DNAJC27: variants seen among roughly 807,000 people sequenced by gnomAD.
DNAJC27 encodes the protein DnaJ heat shock protein family (Hsp40) member C27, also known as dnaJ homolog subfamily C member 27.
DNAJC27 carries 25 observed loss-of-function variants against 31.4 expected under a neutral mutation model. That is an observed-to-expected ratio of 0.80 (90% CI 0.58 to 1.11). The LOEUF is 1.11. Among genes scored for constraint, DNAJC27 ranks in the 50% most tolerant of loss-of-function variants. DNAJC27 has a pLI of 0.00. For missense variants in DNAJC27, 356 were observed against 347.3 expected, an observed-to-expected ratio of 1.02 and a Z score of -0.20; for synonymous variants, 106 against 112.7, an observed-to-expected ratio of 0.94 and a Z score of 0.37.
chr2:24,947,668 G>T lies in DNAJC27; in HGVS notation c.770C>A (p.Ala257Asp). The change falls in exon 7 of 7, where the codon GCC becomes GAC. Residue 257 changes from alanine (A) to aspartate (D), a missense_variant. By Grantham distance (126) the Ala-to-Asp change is moderately radical. Coordinates refer to ENST00000264711, the MANE Select transcript of DNAJC27 (RefSeq NM_016544.3). ...DKCVAPGSED[A>D]FKAVVNARTA... is the part of the protein sequence containing the mutation. Reference sequence around the variant, plus strand: ...CCGAGCATTCACAACTGCTTTGAAGGCATCTTCACTGCCAGGTGCTACACA... The same window carrying T: ...CCGAGCATTCACAACTGCTTTGAAGTCATCTTCACTGCCAGGTGCTACACA... 6.2e-7 allele frequency: 1 copy of T among 1,612,894 alleles called. No individual in the cohort carries two copies. The highest frequency in any genetic ancestry group is 8.5e-7 in the Non-Finnish European group (1 of 1,179,000).
intron 5 of DNAJC27, among the ~76,000 whole-genome samples, chr2:24,952,680 TAA>T (rs59629202): frequency 6.7e-6 from 1 of 148,252 alleles, no homozygotes; most frequent in Non-Finnish European, 1.5e-5. Flanking sequence ...CAACCGTTGT[TAA>T]AAAAAAAAGC....
At position 24,957,147 on chromosome 2, in the gene DNAJC27, G is replaced by A. The variant is rs1174599008; in HGVS notation, c.424C>T (p.Arg142Cys). 12 of 1,604,600 alleles carry A rather than the reference G, an allele frequency of 7.5e-6. No homozygotes were observed. Among genetic ancestry groups the A allele is most frequent in the Non-Finnish European group, 9.3e-6 (11 of 1,177,216 alleles). Reference sequence around the variant, plus strand: ...CGTCCTTCACTTTCATCTACACAGCGATGTTTGGTACAATCAATCTGAAAT... The same window carrying A: ...CGTCCTTCACTTTCATCTACACAGCAATGTTTGGTACAATCAATCTGAAAT... ...CANKIDCTKH[R>C]CVDESEGRLW... Residue 142 changes from arginine to cysteine, a missense_variant, in exon 5 of 7, where the codon CGC becomes TGC. Coordinates refer to ENST00000264711, the MANE Select transcript of DNAJC27 (RefSeq NM_016544.3).
At chr2:24,962,346 C>T (rs1443838012) in intron 3 of DNAJC27, among the ~76,000 whole-genome samples, 7 of 152,006 alleles carry the variant, frequency 4.6e-5, no homozygotes, top group East Asian at 1.9e-4. Context: ...CTGCAACCTC[C>T]GCCTGTTCAA....
chr2:24,971,918 T>C lies in DNAJC27; in HGVS notation c.-14A>G. 6.4e-7 allele frequency: 1 copy of C among 1,563,408 alleles called. No homozygotes were observed. The highest frequency in any genetic ancestry group is 8.6e-7 in the Non-Finnish European group (1 of 1,157,350). On this transcript the variant is annotated 5_prime_UTR_variant, in exon 1 of 7. Coordinates refer to ENST00000264711, the MANE Select transcript of DNAJC27 (RefSeq NM_016544.3). ...GTTGGCCTCCATGGCCCTGGCTCTCTCGGGGCCACCCGCCTCGGTCTCTTC... is the reference window on the plus strand; with the variant it reads ...GTTGGCCTCCATGGCCCTGGCTCTCCCGGGGCCACCCGCCTCGGTCTCTTC...
chr2:24,966,689 C>T (rs1666191018), intron 2 of DNAJC27, among the ~76,000 whole-genome samples: 1 of 152,116 alleles, frequency 6.6e-6, no homozygotes, highest in Non-Finnish European at 1.5e-5. Context: ...GAACTCCTGA[C>T]CTCGTTATCC....
upstream of DNAJC27, chr2:24,971,980 C>T: frequency 6.5e-6 from 7 of 1,075,526 alleles, no homozygotes; most frequent in Non-Finnish European, 6.3e-6. Flanking sequence ...GCCTCCTCGT[C>T]CAATGGCGGA....
At position 24,945,227 on chromosome 2, in the gene DNAJC27, ACTTG is replaced by A. The variant is rs1472009049; in HGVS notation, c.*2385_*2388del. 1.3e-5 allele frequency: 2 copies of A among 152,220 alleles called. No individual in the cohort carries two copies. The highest frequency in any genetic ancestry group is 2.9e-5 in the Non-Finnish European group (2 of 68,044). The allele number at this position is 152,220 out of a possible 1,614,324, so 9.4% of individuals were successfully genotyped here. A position where few individuals can be genotyped will look rare whatever the true frequency, so the allele number is the denominator to read the frequency against. Reference sequence around the variant, plus strand: ...AAAAATTCTAGGACCCTGAAGCTTAACTTGCTTATTTTATTCCTTTTACGTAAAT... The same window carrying A: ...AAAAATTCTAGGACCCTGAAGCTTAACTTATTTTATTCCTTTTACGTAAAT... On this transcript the variant is annotated 3_prime_UTR_variant, in exon 7 of 7. Coordinates refer to ENST00000264711, the MANE Select transcript of DNAJC27 (RefSeq NM_016544.3).
chr2:24,956,577 T>G (rs988673158), intron 5 of DNAJC27, among the ~76,000 whole-genome samples: 1 of 152,370 alleles, frequency 6.6e-6, no homozygotes, highest in African/African-American at 2.4e-5. Context: ...TTTGCCACAG[T>G]AATGCTTCTA....
chr2:24,951,162 T>C (rs1309301125), intron 6 of DNAJC27, among the ~76,000 whole-genome samples: 1 of 152,258 alleles, frequency 6.6e-6, no homozygotes, highest in African/African-American at 2.4e-5. Flanking sequence ...GAGCATACCA[T>C]TTCATGAAGT....
At chr2:24,964,855 T>C (rs1422074524) in intron 2 of DNAJC27, among the ~76,000 whole-genome samples, 1 of 152,202 alleles carries the variant, frequency 6.6e-6, no homozygotes, top group African/African-American at 2.4e-5. Flanking sequence ...TGTCCTACTA[T>C]ATCACTGATG....
At chr2:24,965,156 A>G (rs1666149247) in intron 2 of DNAJC27, among the ~76,000 whole-genome samples, 1 of 151,908 alleles carries the variant, frequency 6.6e-6, no homozygotes, top group East Asian at 1.9e-4. Flanking sequence ...CAGCAAGCTG[A>G]GGTTGCAGTG....
chr2:24,955,556 C>T (rs1665885227), intron 5 of DNAJC27, among the ~76,000 whole-genome samples: 1 of 152,148 alleles, frequency 6.6e-6, no homozygotes, highest in South Asian at 2.1e-4. Context: ...AAAACACCCA[C>T]CTACCAATCT....
intron 6 of DNAJC27, among the ~76,000 whole-genome samples, chr2:24,950,913 G>C (rs1336966557): frequency 6.6e-6 from 1 of 151,442 alleles, no homozygotes; most frequent in African/African-American, 2.4e-5. Flanking sequence ...CAGGGCTTTA[G>C]AGACAAAGAC....
intron 1 of DNAJC27, among the ~76,000 whole-genome samples, chr2:24,970,147 T>C (rs541094456): frequency 6.6e-6 from 1 of 152,348 alleles, no homozygotes; most frequent in East Asian, 1.9e-4. Flanking sequence ...AAAATTGTTT[T>C]TCAATTACAC....
At chr2:24,970,597 T>G (rs913191707) in intron 1 of DNAJC27, among the ~76,000 whole-genome samples, 3 of 151,572 alleles carry the variant, frequency 2.0e-5, no homozygotes, top group Non-Finnish European at 4.4e-5. Flanking sequence ...CCCAAGTAGC[T>G]GGGATTAAAG....
chr2:24,967,397 A>C (rs1573118819), intron 1 of DNAJC27, 104 bp from the exon 2 acceptor site: 2 of 947,928 alleles, frequency 2.1e-6, no homozygotes, highest in East Asian at 5.3e-5. Context: ...ACTATGAAAA[A>C]GCATTTTCAA....
Position 24,971,858 on chromosome 2 carries a change from C to A in DNAJC27, c.47G>T (p.Arg16Leu). 6.2e-7 allele frequency: 1 copy of A among 1,609,118 alleles called. No individual in the cohort carries two copies. Among genetic ancestry groups the A allele is most frequent in the Non-Finnish European group, 8.5e-7 (1 of 1,178,224 alleles). Residue 16 changes from arginine (R) to leucine (L), a missense_variant, in exon 1 of 7, where the codon CGC (arginine) becomes CTC (leucine). Physicochemically the swap from Arg to Leu is moderately radical, Grantham distance 102 (BLOSUM62 -2). Coordinates refer to ENST00000264711, the MANE Select transcript of DNAJC27 (RefSeq NM_016544.3). ...GTTGCCCATGGAGATGACTTTGATG[C>A]GGAGAGACCTGCCGGGCTCCTTCCG... is the stretch of plus-strand genomic sequence containing the variant. ...PKRKEPGRSL[R>L]IKVISMGNAE...
chr2:24,955,503 T>C (rs905015605), intron 5 of DNAJC27, among the ~76,000 whole-genome samples: 3 of 152,046 alleles, frequency 2.0e-5, no homozygotes, highest in East Asian at 1.9e-4. Flanking sequence ...GAAGAAATAA[T>C]AGTAAAACAA....
In DNAJC27 at chr2:24,957,664, GTTTTT is replaced by G. The variant is rs1356771322; in HGVS notation, c.405+141_405+145del. On this transcript the variant is annotated intron_variant, in intron 4 of 6. Transcript: ENST00000264711. The stretch of plus-strand genomic sequence containing the variant: ...AGGTTTTAGGCTGCTGTGTTGTTTT[GTTTTT>G]GTCTTAGGGACATTATGTTTTGAAA... The G allele has an allele frequency of 8.8e-6, 7 of 798,126 alleles. No individual in the cohort carries two copies. In the African/African-American group the frequency reaches 1.1e-4, roughly 12 times the overall value. The allele number at this position is 798,126 out of a possible 1,614,324, so 49.4% of individuals were successfully genotyped here.
Sources: allele counts gnomAD v4.1 joint callset (sites outside exome capture counted in the v4.1 genomes callset), GRCh38; gene constraint gnomAD v4.1.1; transcripts MANE v1.5; gene names NCBI Gene and HGNC (gene_info 2026-07-23, HGNC 2026-07-21).